The following FBXL7 variants were observed in gnomAD, a reference collection of about 807,000 sequenced individuals.
FBXL7 encodes F-box and leucine rich repeat protein 7, also known as F-box/LRR-repeat protein 7.
In FBXL7, 12 loss-of-function variants were observed where a neutral mutation model predicts 38.3. The ratio of observed to expected loss-of-function variants is 0.31; its 90% confidence interval spans 0.20 to 0.51. The LOEUF (loss-of-function observed/expected upper bound fraction) is 0.51. Ranked by LOEUF, FBXL7 falls within the 20% of genes least tolerant of loss-of-function variation. The pLI, the probability that FBXL7 is intolerant of heterozygous loss-of-function variation, is 0.98. For synonymous variants in FBXL7, 297 were observed against 300.9 expected (o/e 0.99, Z 0.13); for missense variants, 567 against 676.4 (o/e 0.84, Z 1.79).
At chr5:15,570,975 C>T (rs1738759843) in intron 1 of FBXL7, among the ~76,000 whole-genome samples, 2 of 151,694 alleles carry the variant, frequency 1.3e-5, no homozygotes, top group South Asian at 4.2e-4. Flanking sequence ...GCCTGTAATC[C>T]CAGCTACTCC....
chr5:15,568,452 T>C (rs529407333), intron 1 of FBXL7, among the ~76,000 whole-genome samples: 147 of 152,300 alleles, frequency 9.7e-4, no homozygotes, highest in Non-Finnish European at 1.7e-3. Context: ...TTTTTTCTTG[T>C]AAATTTGTTT....
intron 2 of FBXL7, among the ~76,000 whole-genome samples, chr5:15,900,574 TG>T (rs1268124294): frequency 2.0e-5 from 3 of 152,028 alleles, no homozygotes; most frequent in African/African-American, 7.3e-5. Flanking sequence ...CGTTTTATTT[TG>T]GATTCCTTTA....
chr5:15,727,386 G>A (rs1018043783), intron 2 of FBXL7, among the ~76,000 whole-genome samples: 3 of 152,138 alleles, frequency 2.0e-5, no homozygotes, highest in Non-Finnish European at 4.4e-5. Flanking sequence ...TTGTGGAACT[G>A]TTCTGTTGGT....
At chr5:15,915,177 C>G (rs1741550395) in intron 2 of FBXL7, among the ~76,000 whole-genome samples, 1 of 152,168 alleles carries the variant, frequency 6.6e-6, no homozygotes, top group Admixed American at 6.5e-5. Context: ...GGGTAGTGTT[C>G]CGTACAATGC....
In FBXL7 at chr5:15,600,875, ACTGT is replaced by A. The variant is rs1739769068; in HGVS notation, c.38-15097_38-15094del. 2.6e-5 allele frequency among the ~76,000 whole-genome samples: 4 copies of A among 152,192 alleles called. No homozygotes were observed. In the South Asian group the frequency reaches 6.2e-4, roughly 24 times the overall value. ...TGACAGTAAGGCACAAAGGTCTGTA[ACTGT>A]CTGTCTGTCTTTTGCTGGGGTTGAG... On this transcript the variant is annotated intron_variant, in intron 1 of 3. Transcript: ENST00000504595.
At chr5:15,646,716 G>T (rs1487659246) in intron 2 of FBXL7, among the ~76,000 whole-genome samples, 1 of 152,164 alleles carries the variant, frequency 6.6e-6, no homozygotes, top group African/African-American at 2.4e-5. Flanking sequence ...GTGTTACCAT[G>T]TGATATTAAT....
chr5:15,532,160 T>C (rs1737450468), intron 1 of FBXL7, among the ~76,000 whole-genome samples: 2 of 152,238 alleles, frequency 1.3e-5, no homozygotes, highest in Admixed American at 1.3e-4. Context: ...ACTGAACGTC[T>C]GTCATTAACT....
At chr5:15,716,381 G>T (rs1375539442) in intron 2 of FBXL7, among the ~76,000 whole-genome samples, 2 of 152,206 alleles carry the variant, frequency 1.3e-5, no homozygotes, top group East Asian at 3.9e-4. Flanking sequence ...TAACTTGCCT[G>T]CTTATACCTG....
chr5:15,781,367 A>G (rs1396784217), intron 2 of FBXL7, among the ~76,000 whole-genome samples: 1 of 152,036 alleles, frequency 6.6e-6, no homozygotes, highest in Non-Finnish European at 1.5e-5. Flanking sequence ...TAGTTTAACC[A>G]TCCCCACCCC....
At chr5:15,639,230 C>G (rs1419859437) in intron 2 of FBXL7, among the ~76,000 whole-genome samples, 2 of 152,184 alleles carry the variant, frequency 1.3e-5, no homozygotes, top group Non-Finnish European at 2.9e-5. Flanking sequence ...TAGACTCAGA[C>G]AGCCCTGGGC....
intron 2 of FBXL7, among the ~76,000 whole-genome samples, chr5:15,862,598 C>A (rs536358288): frequency 3.3e-5 from 5 of 152,160 alleles, no homozygotes; most frequent in African/African-American, 7.2e-5. Flanking sequence ...TCACAGCTAG[C>A]GAGCAGGGAG....
chr5:15,935,714 G>A (rs958902682), intron 3 of FBXL7, among the ~76,000 whole-genome samples: 1 of 152,208 alleles, frequency 6.6e-6, no homozygotes, highest in Non-Finnish European at 1.5e-5. Flanking sequence ...GACTCAGAAG[G>A]TCTGTTCAAT....
intron 1 of FBXL7, among the ~76,000 whole-genome samples, chr5:15,577,190 C>A (rs1416841270): frequency 6.6e-6 from 1 of 152,170 alleles, no homozygotes; most frequent in Non-Finnish European, 1.5e-5. Context: ...CTTTACGGTC[C>A]GGTGACTAGC....
rs1443951403 is a variant in FBXL7, at chr5:15,564,405, T to A, written c.38-51578T>A. 5.3e-5 allele frequency among the ~76,000 whole-genome samples: 8 copies of A among 151,736 alleles called. No homozygotes were observed. The Admixed American group carries it at 5.3e-4, about 10-fold the overall frequency. ...GTGTGTGTGTGTGTGTGTGTGTGTG[T>A]GTGTGTGTGTATGTGTATACAATAT... is the stretch of plus-strand genomic sequence containing the variant. On this transcript the variant is annotated intron_variant, in intron 1 of 3. Transcript: ENST00000504595.
chr5:15,835,259 C>T (rs543338930), intron 2 of FBXL7, among the ~76,000 whole-genome samples: 25 of 152,316 alleles, frequency 1.6e-4, no homozygotes, highest in African/African-American at 5.1e-4. Context: ...ATGGCCGGTA[C>T]TTTAACTCCA....
At chr5:15,639,536 C>T (rs1184194876) in intron 2 of FBXL7, among the ~76,000 whole-genome samples, 5 of 151,956 alleles carry the variant, frequency 3.3e-5, no homozygotes, top group African/African-American at 9.7e-5. Context: ...GATCATGAGG[C>T]CTCCCCAGCC....
chr5:15,637,409 A>G (rs1741222234), intron 2 of FBXL7, among the ~76,000 whole-genome samples: 1 of 152,212 alleles, frequency 6.6e-6, no homozygotes, highest in African/African-American at 2.4e-5. Context: ...CCATAAGCAT[A>G]TTTTTTGAAA....
chr5:15,565,596 C>A lies in FBXL7; in HGVS notation c.38-50387C>A, dbSNP rs141559391. Among the ~76,000 whole-genome samples, 1,238 of 151,768 alleles carry A rather than the reference C, an allele frequency of 8.2e-3. 8 individuals are homozygous for A. Among genetic ancestry groups the A allele is most frequent in the African/African-American group, 0.016 (667 of 41,404 alleles). On this transcript the variant is annotated intron_variant, in intron 1 of 3. Transcript: ENST00000504595. ...TCTTACAATAAATCTTGCTCTCTCTCTATATATATGTATATATATTGCACA... is the reference window on the plus strand; with the variant it reads ...TCTTACAATAAATCTTGCTCTCTCTATATATATATGTATATATATTGCACA...
intron 2 of FBXL7, among the ~76,000 whole-genome samples, chr5:15,658,422 G>C (rs1343649690): frequency 2.0e-5 from 3 of 152,156 alleles, no homozygotes; most frequent in Admixed American, 2.0e-4. Flanking sequence ...TAATTGAATC[G>C]TGAGGGCAGT....
Sources: allele counts gnomAD v4.1 joint callset (sites outside exome capture counted in the v4.1 genomes callset), GRCh38; gene constraint gnomAD v4.1.1; transcripts MANE v1.5; gene names NCBI Gene and HGNC (gene_info 2026-07-23, HGNC 2026-07-21).